The following MYT1L variants were observed in gnomAD, a reference collection of about 807,000 sequenced individuals.
The protein encoded by MYT1L is myelin transcription factor 1-like protein.
A neutral mutation model predicts 126.7 loss-of-function variants in MYT1L; 12 were observed. The ratio of observed to expected loss-of-function variants is 0.09; its 90% confidence interval spans 0.06 to 0.15. MYT1L has a LOEUF of 0.15. Among genes scored for constraint, MYT1L ranks in the 10% least tolerant of loss-of-function variants. MYT1L has a pLI of 1.00. For missense variants in MYT1L, 979 were observed against 1,585.2 expected (o/e 0.62, Z 6.49); for synonymous variants, 541 against 604.2 (o/e 0.90, Z 1.53).
intron 4 of MYT1L, among the ~76,000 whole-genome samples, chr2:2,040,233 AC>A (rs1311938038): frequency 6.6e-6 from 1 of 152,192 alleles, no homozygotes; most frequent in African/African-American, 2.4e-5. Context: ...TGTGCTGAGC[AC>A]ACGTGTACTC....
rs745908205 is a variant in MYT1L, at chr2:1,923,041, A to G, written c.728T>C (p.Leu243Pro). ...TAAACTCAACTCACTTTTCCGACCC[A>G]GGTTTTCGTTTTTGTCACTATCGTC... ...LEDDSDKNENLGRKSELSLDL... is the reference protein window; with the variant it reads ...LEDDSDKNENPGRKSELSLDL... Residue 243 changes from leucine (L) to proline (P), a missense_variant, in exon 10 of 25, where the codon CTG becomes CCG. This residue lies in a region of MYT1L where 243 missense variants were observed against 363.9 expected (regional missense o/e 0.67). Transcript: ENST00000647738. 6.2e-7 allele frequency: 1 copy of G among 1,613,964 alleles called. No homozygotes were observed. The highest frequency in any genetic ancestry group is 1.1e-5 in the South Asian group (1 of 91,080).
chr2:2,075,326 A>G (rs1323114491), intron 3 of MYT1L, among the ~76,000 whole-genome samples: 1 of 152,134 alleles, frequency 6.6e-6, no homozygotes, highest in Non-Finnish European at 1.5e-5. Context: ...TGAAGCTATG[A>G]TTCCTCTTGA....
intron 2 of MYT1L, among the ~76,000 whole-genome samples, chr2:2,185,823 C>G: frequency 7.8e-6 from 1 of 128,700 alleles, no homozygotes; most frequent in South Asian, 2.5e-4. Context: ...TCCCGAGTCC[C>G]GCGTTCCTTC....
At chr2:2,239,271 A>G (rs1572747044) in intron 2 of MYT1L, among the ~76,000 whole-genome samples, 2 of 152,222 alleles carry the variant, frequency 1.3e-5, no homozygotes, top group East Asian at 3.9e-4. Flanking sequence ...GCACAGACAG[A>G]CGGGGGCAAA....
At chr2:2,237,475 T>G (rs2094347384) in intron 2 of MYT1L, among the ~76,000 whole-genome samples, 1 of 152,228 alleles carries the variant, frequency 6.6e-6, no homozygotes, top group Admixed American at 6.5e-5. Flanking sequence ...TGTGATTTTG[T>G]ATCCTGAAGT....
intron 4 of MYT1L, among the ~76,000 whole-genome samples, chr2:2,018,018 C>T (rs971315540): frequency 2.6e-5 from 4 of 152,206 alleles, no homozygotes; most frequent in East Asian, 3.9e-4. Context: ...TCTCACTATT[C>T]GTGCCTTTAT....
chr2:2,042,425 A>C (rs2067656692), intron 4 of MYT1L, among the ~76,000 whole-genome samples: 1 of 152,222 alleles, frequency 6.6e-6, no homozygotes, highest in Non-Finnish European at 1.5e-5. Flanking sequence ...GCCTTGTGAT[A>C]CGGAGCATAT....
chr2:2,270,323 G>A (rs551136352), intron 2 of MYT1L, among the ~76,000 whole-genome samples: 1 of 152,338 alleles, frequency 6.6e-6, no homozygotes, highest in South Asian at 2.1e-4. Flanking sequence ...CACAATGTTT[G>A]TAGACAGCAA....
chr2:2,148,656 C>T (rs1436133445), intron 3 of MYT1L, among the ~76,000 whole-genome samples: 2 of 152,182 alleles, frequency 1.3e-5, no homozygotes, highest in African/African-American at 4.8e-5. Flanking sequence ...GCATGGCGTT[C>T]CTGTCTGTAT....
At chr2:1,931,484 G>A (rs2054979076) in intron 9 of MYT1L, among the ~76,000 whole-genome samples, 2 of 151,354 alleles carry the variant, frequency 1.3e-5, no homozygotes, top group South Asian at 2.1e-4. Flanking sequence ...CGATGCCCAC[G>A]TCTGCTGCGC....
chr2:2,116,624 CGCAATGCAGT>C (rs1377380027), intron 3 of MYT1L, among the ~76,000 whole-genome samples: 3 of 152,248 alleles, frequency 2.0e-5, no homozygotes, highest in Non-Finnish European at 4.4e-5. Flanking sequence ...TTTTGATCAA[CGCAATGCAGT>C]GCAATTGATG....
In MYT1L at chr2:2,184,610, CCAAA is replaced by C. The variant is rs2091919605; in HGVS notation, c.-420-11626_-420-11623del. Among the ~76,000 whole-genome samples the C allele has an allele frequency of 3.9e-5, 6 of 152,244 alleles. No individual in the cohort carries two copies. The South Asian group carries it at 1.0e-3, about 26-fold the overall frequency. ...CTCCAATTTGCCCAACCTCCTCTGT[CCAAA>C]CAAAGGAATAACACTCATCTGAGCA... On this transcript the variant is annotated intron_variant, in intron 2 of 24. Transcript: ENST00000647738.
In MYT1L at chr2:2,224,244, G is replaced by A. The variant is rs778959630; in HGVS notation, c.-420-51256C>T. Among the ~76,000 whole-genome samples the A allele has an allele frequency of 4.6e-4, 70 of 152,088 alleles. No homozygotes were observed. The highest frequency in any genetic ancestry group is 9.4e-4 in the Non-Finnish European group (64 of 68,014). On this transcript the variant is annotated intron_variant, in intron 2 of 24. Transcript: ENST00000647738. This position sits in a 1 kb window ranked among gnomAD's most constrained non-coding sequence, Gnocchi z 4.0. Reference sequence around the variant, plus strand: ...AGTTGGCCCCTCCTTGCCCATCTGAGAGCCCATTGTGCACTCCCTCATTTA... The same window carrying A: ...AGTTGGCCCCTCCTTGCCCATCTGAAAGCCCATTGTGCACTCCCTCATTTA...
At chr2:2,064,098 T>G (rs553634406) in intron 3 of MYT1L, among the ~76,000 whole-genome samples, 1 of 152,320 alleles carries the variant, frequency 6.6e-6, no homozygotes, top group African/African-American at 2.4e-5. Context: ...CTGTATTCTT[T>G]AAGTATTGAC....
chr2:2,254,353 G>A (rs2094748648), intron 2 of MYT1L, among the ~76,000 whole-genome samples: 1 of 152,214 alleles, frequency 6.6e-6, no homozygotes, highest in Admixed American at 6.5e-5. Flanking sequence ...GGCCCTGGGA[G>A]GGGAACAACT....
In MYT1L at chr2:2,228,983, A is replaced by G. The variant is rs2094092305; in HGVS notation, c.-421+55421T>C. Reference sequence around the variant, plus strand: ...GGGGGTCTTCCAACGTATCCAGCTGAGCTCCTGGCTCCGATTTCTCAGCAG... The same window carrying G: ...GGGGGTCTTCCAACGTATCCAGCTGGGCTCCTGGCTCCGATTTCTCAGCAG... On this transcript the variant is annotated intron_variant, in intron 2 of 24. Transcript: ENST00000647738. This position sits in a 1 kb window ranked among gnomAD's most constrained non-coding sequence, Gnocchi z 5.9. Among the ~76,000 whole-genome samples, 1 of 152,158 alleles carries G rather than the reference A, an allele frequency of 6.6e-6. No individual in the cohort carries two copies. Among genetic ancestry groups the G allele is most frequent in the Non-Finnish European group, 1.5e-5 (1 of 68,028 alleles).
chr2:2,037,969 A>G (rs1443707992), intron 4 of MYT1L, among the ~76,000 whole-genome samples: 1 of 152,078 alleles, frequency 6.6e-6, no homozygotes, highest in African/African-American at 2.4e-5. Flanking sequence ...CTGGATGAAC[A>G]CTTGTGTTGT....
At chr2:2,127,403 T>G (rs943581290) in intron 3 of MYT1L, among the ~76,000 whole-genome samples, 1 of 152,218 alleles carries the variant, frequency 6.6e-6, no homozygotes, top group East Asian at 1.9e-4. Context: ...AAAACCTGTT[T>G]TGGCCTTGAA....
intron 1 of MYT1L, among the ~76,000 whole-genome samples, chr2:2,311,127 G>A (rs984209786): frequency 8.5e-5 from 13 of 152,148 alleles, no homozygotes; most frequent in African/African-American, 3.1e-4. Context: ...CTGAACACAG[G>A]CAAGGATTTG....
Sources: gnomAD v4.1 joint callset for allele counts (sites outside exome capture counted in the v4.1 genomes callset) on GRCh38, gnomAD v4.1.1 for gene constraint, gnomAD v4.1.1 regional missense constraint, Gnocchi (gnomAD v3.1) non-coding constraint, MANE v1.5 for transcripts, NCBI Gene and HGNC (gene_info 2026-07-23, HGNC 2026-07-21) for gene names.